SLC8A1: variants seen among roughly 807,000 people sequenced by gnomAD.
The protein encoded by SLC8A1 is solute carrier family 8 member A1, also known as sodium/calcium exchanger 1.
SLC8A1 carries 18 observed loss-of-function variants against 68.3 expected under a neutral mutation model. That is an observed-to-expected ratio of 0.26 (90% CI 0.18 to 0.39). The LOEUF is 0.39. Among genes scored for constraint, SLC8A1 ranks in the 10% least tolerant of loss-of-function variants. The pLI, the probability that SLC8A1 is intolerant of heterozygous loss-of-function variation, is 1.00. For missense variants in SLC8A1, 985 were observed against 1,156.7 expected, an observed-to-expected ratio of 0.85 and a Z score of 2.15; for synonymous variants, 475 against 415.5, an observed-to-expected ratio of 1.14 and a Z score of -1.74.
intron 6 of SLC8A1, among the ~76,000 whole-genome samples, chr2:40,142,329 C>T (rs2041723169): frequency 6.6e-6 from 1 of 152,002 alleles, no homozygotes; most frequent in Non-Finnish European, 1.5e-5. Context: ...CCCAGGCTCT[C>T]CTCTTACCCA....
chr2:40,170,758 G>C (rs934076993), intron 4 of SLC8A1, among the ~76,000 whole-genome samples: 7 of 152,208 alleles, frequency 4.6e-5, no homozygotes, highest in Non-Finnish European at 7.3e-5. Context: ...TGACTGAATT[G>C]AAGTAATAAT....
chr2:40,411,611 A>G (rs1418777689), intron 2 of SLC8A1, among the ~76,000 whole-genome samples: 2 of 152,010 alleles, frequency 1.3e-5, no homozygotes, highest in Admixed American at 1.3e-4. Flanking sequence ...AACAAAAACA[A>G]TGTCAAAACA....
chr2:40,449,101 C>G (rs1400685228), intron 1 of SLC8A1, among the ~76,000 whole-genome samples: 2 of 150,428 alleles, frequency 1.3e-5, no homozygotes, highest in Non-Finnish European at 3.0e-5. Context: ...CTCCCTGTAC[C>G]TAAAAGGCAT....
chr2:40,510,915 C>CT (rs1706682778), intron 1 of SLC8A1, among the ~76,000 whole-genome samples: 1 of 152,090 alleles, frequency 6.6e-6, no homozygotes, highest in Admixed American at 6.6e-5. Context: ...TTCTCTGCCA[C>CT]TTTTTTGGTG....
intron 2 of SLC8A1, among the ~76,000 whole-genome samples, chr2:40,306,833 A>T (rs1394621950): frequency 1.3e-5 from 2 of 152,196 alleles, no homozygotes; most frequent in Non-Finnish European, 2.9e-5. Context: ...GGGAATGGGG[A>T]AGGTAATACT....
intron 4 of SLC8A1, among the ~76,000 whole-genome samples, chr2:40,171,568 A>C (rs1573524768): frequency 6.6e-6 from 1 of 152,182 alleles, no homozygotes; most frequent in East Asian, 1.9e-4. Context: ...GTGGGTTTTG[A>C]GTAGAAAAGG....
At chr2:40,503,160 A>C (rs1339997316) in intron 1 of SLC8A1, among the ~76,000 whole-genome samples, 5 of 152,044 alleles carry the variant, frequency 3.3e-5, no homozygotes, top group African/African-American at 1.2e-4. Context: ...AAAAGAAAAC[A>C]ACAAAGCACC....
chr2:40,151,802 T>G (rs917693598), intron 6 of SLC8A1, among the ~76,000 whole-genome samples: 16 of 152,238 alleles, frequency 1.1e-4, no homozygotes, highest in African/African-American at 3.1e-4. Context: ...TTTATCATGT[T>G]TTCTTTAAAG....
intron 2 of SLC8A1, among the ~76,000 whole-genome samples, chr2:40,339,846 A>C (rs1667138944): frequency 6.6e-6 from 1 of 152,236 alleles, no homozygotes; most frequent in African/African-American, 2.4e-5. Flanking sequence ...ATGAACATAT[A>C]TCATTATGCA....
At chr2:40,386,589 T>C (rs1327352770) in intron 2 of SLC8A1, among the ~76,000 whole-genome samples, 5 of 101,622 alleles carry the variant, frequency 4.9e-5, no homozygotes, top group South Asian at 3.1e-4. Flanking sequence ...AAGCAAGGTA[T>C]TGGGTCTAAT....
chr2:40,136,090 G>A (rs1342988112), intron 7 of SLC8A1, among the ~76,000 whole-genome samples: 2 of 152,198 alleles, frequency 1.3e-5, no homozygotes, highest in Non-Finnish European at 2.9e-5. Flanking sequence ...AAGATGAGAA[G>A]AAGGATGGAG....
At chr2:40,419,945 T>C (rs970088154) in intron 2 of SLC8A1, among the ~76,000 whole-genome samples, 14 of 152,118 alleles carry the variant, frequency 9.2e-5, no homozygotes, top group Non-Finnish European at 2.9e-5. Context: ...GGTAAAAAAT[T>C]TAATAAAACC....
intron 1 of SLC8A1, among the ~76,000 whole-genome samples, chr2:40,503,015 C>T (rs187849098): frequency 1.1e-3 from 166 of 151,592 alleles, no homozygotes; most frequent in African/African-American, 4.0e-3. Context: ...ATAAAGGGGC[C>T]TTCTGAAGTA....
chr2:40,428,967 G>T, exon 2 of SLC8A1: 8 of 1,613,832 alleles, frequency 5.0e-6, no homozygotes, highest in Non-Finnish European at 6.8e-6. Flanking sequence ...CAAACACAGT[G>T]TTAGTCAAAT....
chr2:40,293,529 G>A (rs1028650596), intron 2 of SLC8A1, among the ~76,000 whole-genome samples: 1 of 152,196 alleles, frequency 6.6e-6, no homozygotes, highest in East Asian at 1.9e-4. Context: ...TTCTCAATAG[G>A]AGCATATCCT....
At chr2:40,275,322 C>T (rs528846819) in intron 2 of SLC8A1, among the ~76,000 whole-genome samples, 28 of 152,326 alleles carry the variant, frequency 1.8e-4, no homozygotes, top group Non-Finnish European at 2.6e-4. Flanking sequence ...AAGGAGAGAA[C>T]TTATGTTCTT....
chr2:40,477,912 C>T (rs1559758174), intron 1 of SLC8A1, among the ~76,000 whole-genome samples: 1 of 152,128 alleles, frequency 6.6e-6, no homozygotes. Flanking sequence ...GCTATTTGGA[C>T]TGAAGCTCAG....
chr2:40,252,953 A>G (rs909276442), intron 2 of SLC8A1, among the ~76,000 whole-genome samples: 19 of 96,556 alleles, frequency 2.0e-4, no homozygotes, highest in African/African-American at 7.9e-4. Context: ...ATATATACAT[A>G]TGTGTGTATA....
intron 2 of SLC8A1, among the ~76,000 whole-genome samples, chr2:40,387,077 A>C (rs1029767386): frequency 6.6e-6 from 1 of 151,500 alleles, no homozygotes; most frequent in African/African-American, 2.5e-5. Flanking sequence ...CCAAAGAATG[A>C]ATGATTCATT....
Sources: gnomAD v4.1 joint callset for allele counts (sites outside exome capture counted in the v4.1 genomes callset) on GRCh38, gnomAD v4.1.1 for gene constraint, MANE v1.5 for transcripts, NCBI Gene and HGNC (gene_info 2026-07-23, HGNC 2026-07-21) for gene names.